NCAM2: variants seen among roughly 807,000 people sequenced by gnomAD.
NCAM2 encodes neural cell adhesion molecule 2.
NCAM2 carries 30 observed loss-of-function variants against 98.1 expected under a neutral mutation model. The observed-to-expected ratio is 0.31, with a 90% CI of 0.23 to 0.41. The LOEUF is 0.41. NCAM2 is among the 10% of genes least tolerant of loss of function. NCAM2 has a pLI of 1.00. For missense variants in NCAM2, 867 were observed against 1,005.8 expected (o/e 0.86, Z 1.87); for synonymous variants, 368 against 342.4 (o/e 1.07, Z -0.83).
At chr21:21,119,122 A>G (rs13052352) in intron 1 of NCAM2, among the ~76,000 whole-genome samples, 16,318 of 152,120 alleles carry the variant, frequency 0.11, 935 homozygotes, top group Admixed American at 0.14. Context: ...GATCATGATA[A>G]TGCATTTGAA....
At chr21:21,378,624 C>T (rs1305849721) in intron 9 of NCAM2, among the ~76,000 whole-genome samples, 3 of 152,020 alleles carry the variant, frequency 2.0e-5, no homozygotes, top group African/African-American at 2.4e-5. Flanking sequence ...TTTGAATTGT[C>T]TCTGCTGAGC....
chr21:21,111,792 A>G (rs1451125813), intron 1 of NCAM2, among the ~76,000 whole-genome samples: 1 of 152,144 alleles, frequency 6.6e-6, no homozygotes, highest in Non-Finnish European at 1.5e-5. Flanking sequence ...GTTTGAGGAA[A>G]GTGGGAGAAG....
chr21:21,007,427 A>G (rs1277031194), intron 1 of NCAM2, among the ~76,000 whole-genome samples: 1 of 152,186 alleles, frequency 6.6e-6, no homozygotes, highest in African/African-American at 2.4e-5. Flanking sequence ...GTAAAGGAAT[A>G]AAAGAATGGC....
intron 12 of NCAM2, among the ~76,000 whole-genome samples, chr21:21,434,658 A>G (rs1278824593): frequency 6.6e-6 from 1 of 152,200 alleles, no homozygotes; most frequent in Admixed American, 6.5e-5. Context: ...TAGATATATT[A>G]TCATCTTCCA....
intron 1 of NCAM2, among the ~76,000 whole-genome samples, chr21:21,148,612 A>G (rs1835482954): frequency 6.6e-6 from 1 of 152,216 alleles, no homozygotes; most frequent in African/African-American, 2.4e-5. Flanking sequence ...AAAAGTAGAT[A>G]AGAATCCTAG....
At chr21:21,459,431 C>A (rs916218356) in intron 12 of NCAM2, among the ~76,000 whole-genome samples, 2 of 149,278 alleles carry the variant, frequency 1.3e-5, no homozygotes, top group Non-Finnish European at 3.0e-5. Flanking sequence ...CACACACACA[C>A]ACATATGCCA....
At chr21:21,436,989 G>A (rs562684629) in intron 12 of NCAM2, among the ~76,000 whole-genome samples, 4 of 151,768 alleles carry the variant, frequency 2.6e-5, no homozygotes, top group African/African-American at 9.7e-5. Flanking sequence ...TACCCAGGCT[G>A]GTTTCAAACT....
intron 1 of NCAM2, among the ~76,000 whole-genome samples, chr21:21,116,273 G>T (rs1441533121): frequency 6.6e-6 from 1 of 152,108 alleles, no homozygotes. Flanking sequence ...ACTCTGACCA[G>T]TGGAGTGTTG....
At position 21,125,710 on chromosome 21, in the gene NCAM2, T is replaced by TAGAG. The variant is rs1239749765; in HGVS notation, c.55+127093_55+127094insGAGA. On this transcript the variant is annotated intron_variant, in intron 1 of 17. Transcript: ENST00000400546. ...TATGTAATAATATTTTACATATATA[T>TAGAG]ATATAGAGAGAGAGAGATTGAGGTT... Among the ~76,000 whole-genome samples, 9 of 32,292 alleles carry TAGAG rather than the reference T, an allele frequency of 2.8e-4. No individual in the cohort carries two copies. In the South Asian group the frequency reaches 0.011, roughly 39 times the overall value. 21.2% of individuals were successfully genotyped at this position (32,292 alleles called of 152,430 possible). A position where few individuals can be genotyped will look rare whatever the true frequency, so the allele number is the denominator to read the frequency against.
chr21:21,403,556 G>C (rs917760206), intron 9 of NCAM2, among the ~76,000 whole-genome samples: 1 of 152,106 alleles, frequency 6.6e-6, no homozygotes, highest in Non-Finnish European at 1.5e-5. Context: ...AAACAGTTGT[G>C]TCCAGCATCT....
intron 9 of NCAM2, among the ~76,000 whole-genome samples, chr21:21,385,420 A>T (rs1446234340): frequency 6.6e-6 from 1 of 151,768 alleles, no homozygotes; most frequent in Non-Finnish European, 1.5e-5. Flanking sequence ...ATACACACAC[A>T]CAATTACCAG....
intron 1 of NCAM2, among the ~76,000 whole-genome samples, chr21:21,261,318 C>T (rs763438282): frequency 4.6e-5 from 7 of 152,036 alleles, no homozygotes; most frequent in Non-Finnish European, 8.8e-5. Context: ...AAAATCTGGA[C>T]GTAAATTGGA....
At chr21:21,112,059 T>TGA (rs2066464994) in intron 1 of NCAM2, among the ~76,000 whole-genome samples, 1 of 152,204 alleles carries the variant, frequency 6.6e-6, no homozygotes, top group Non-Finnish European at 1.5e-5. Context: ...ACTGTAGACA[T>TGA]TCTCTTATTT....
intron 1 of NCAM2, among the ~76,000 whole-genome samples, chr21:21,266,697 A>T (rs1307408063): frequency 1.3e-5 from 2 of 151,948 alleles, no homozygotes; most frequent in Non-Finnish European, 2.9e-5. Flanking sequence ...CAGCAAGGGG[A>T]ACATCACACA....
chr21:21,045,673 A>G lies in NCAM2; in HGVS notation c.55+47055A>G, dbSNP rs559935748. ...TCAGAAAAGAAAAAAAAGGAACCAG[A>G]TGTTAGTGGAGCACATGAGTCAATG... On this transcript the variant is annotated intron_variant, in intron 1 of 17. Coordinates refer to ENST00000400546, the MANE Select transcript of NCAM2 (RefSeq NM_004540.5). Among the ~76,000 whole-genome samples, 4 of 152,210 alleles carry G rather than the reference A, an allele frequency of 2.6e-5. No individual in the cohort carries two copies. In the East Asian group the frequency reaches 7.7e-4, roughly 29 times the overall value.
chr21:21,375,224 A>C (rs571254191), intron 9 of NCAM2, among the ~76,000 whole-genome samples: 4 of 151,394 alleles, frequency 2.6e-5, no homozygotes, highest in South Asian at 4.2e-4. Context: ...ACAAAAACAA[A>C]AAAAAAAACA....
chr21:21,456,579 A>G (rs1369153886), intron 12 of NCAM2, among the ~76,000 whole-genome samples: 2 of 152,162 alleles, frequency 1.3e-5, no homozygotes, highest in Non-Finnish European at 2.9e-5. Context: ...AAAAGATCTT[A>G]CACCATATGC....
rs570420512 is a variant in NCAM2 at position 21,447,382 on chromosome 21, C to T, written c.1654+15101C>T. Among the ~76,000 whole-genome samples the T allele has an allele frequency of 2.2e-3, 329 of 152,170 alleles. 1 individual carries two copies. Among genetic ancestry groups the T allele is most frequent in the African/African-American group, 7.8e-3 (323 of 41,520 alleles). On this transcript the variant is annotated intron_variant, in intron 12 of 17. Coordinates refer to ENST00000400546, the MANE Select transcript of NCAM2 (RefSeq NM_004540.5). ...CTGAAACTGGACCCCTTCCTTACACCTTATACAAAAATTACCTCAAGATGG... is the reference window on the plus strand; with the variant it reads ...CTGAAACTGGACCCCTTCCTTACACTTTATACAAAAATTACCTCAAGATGG...
At chr21:21,205,813 G>A (rs2069416632) in intron 1 of NCAM2, among the ~76,000 whole-genome samples, 1 of 152,064 alleles carries the variant, frequency 6.6e-6, no homozygotes, top group African/African-American at 2.4e-5. Context: ...TTGGTATCTG[G>A]CGAGGATCAG....
Sources: allele counts gnomAD v4.1 joint callset (sites outside exome capture counted in the v4.1 genomes callset), GRCh38; gene constraint gnomAD v4.1.1; transcripts MANE v1.5; gene names NCBI Gene and HGNC (gene_info 2026-07-23, HGNC 2026-07-21).